The following KMO variants were observed in gnomAD, a reference collection of about 807,000 sequenced individuals.
The protein encoded by KMO is kynurenine 3-monooxygenase, also known as kynurenine 3-hydroxylase.
KMO carries 24 observed loss-of-function variants against 57.8 expected under a neutral mutation model. That is an observed-to-expected ratio of 0.42 (90% CI 0.30 to 0.58). KMO has a LOEUF of 0.58. KMO is among the 20% of genes least tolerant of loss of function. The pLI, the probability that KMO is intolerant of heterozygous loss-of-function variation, is 0.22. For synonymous variants in KMO, 210 were observed against 193.6 expected (o/e 1.08, Z -0.70); for missense variants, 483 against 588.2 (o/e 0.82, Z 1.85).
At chr1:241,535,037 C>T (rs559186679) in intron 1 of KMO, among the ~76,000 whole-genome samples, 32 of 151,746 alleles carry the variant, frequency 2.1e-4, no homozygotes, top group Admixed American at 2.0e-3. Context: ...CCAATGTATT[C>T]CAGAGGCTGT....
chr1:241,562,915 GAAA>G (rs1558421414), intron 7 of KMO, among the ~76,000 whole-genome samples: 21 of 28,228 alleles, frequency 7.4e-4, no homozygotes, highest in South Asian at 3.7e-3. Flanking sequence ...AGGAAGGAAG[GAAA>G]GAAGGAAGGA....
At chr1:241,553,490 C>T (rs867428225) in intron 4 of KMO, among the ~76,000 whole-genome samples, 4 of 152,152 alleles carry the variant, frequency 2.6e-5, no homozygotes, top group African/African-American at 7.2e-5. Flanking sequence ...AGTTCAAAAC[C>T]AGCCTGGGCA....
chr1:241,580,416 C>G (rs1662706717), intron 10 of KMO, among the ~76,000 whole-genome samples: 1 of 152,024 alleles, frequency 6.6e-6, no homozygotes. Context: ...TTTTATAGCT[C>G]TTTAGGATAC....
chr1:241,593,579 G>C lies in KMO; in HGVS notation c.*1426G>C. The C allele has an allele frequency of 4.3e-6, 1 of 233,586 alleles. No individual in the cohort carries two copies. The highest frequency in any genetic ancestry group is 5.3e-5 in the South Asian group (1 of 18,876). 14.5% of individuals were successfully genotyped at this position (233,586 alleles called of 1,614,324 possible). A position where few individuals can be genotyped will look rare whatever the true frequency, so the allele number is the denominator to read the frequency against. On this transcript the variant is annotated 3_prime_UTR_variant, in exon 15 of 15. Transcript: ENST00000366559. ...CTACCCACTTTAGGTTCCTTGGCTG[G>C]GGCCCCTATAACAAAAGACAGATTG...
intron 1 of KMO, among the ~76,000 whole-genome samples, chr1:241,545,229 G>C (rs1469375791): frequency 1.3e-5 from 2 of 152,192 alleles, no homozygotes; most frequent in Non-Finnish European, 2.9e-5. Context: ...AAAACCTGTT[G>C]ATAGCTTAGA....
Position 241,583,216 on chromosome 1 carries a change from A to G in KMO, c.958-3463A>G, listed in dbSNP as rs574335113. ...TGACACAAGCACTCCTGTGGCCACC[A>G]CAGCTGGCACTGTGCTGGGTCATAC... On this transcript the variant is annotated intron_variant, in intron 10 of 14. Coordinates refer to ENST00000366559, the MANE Select transcript of KMO (RefSeq NM_003679.5). Among the ~76,000 whole-genome samples, 40 of 152,232 alleles carry G rather than the reference A, an allele frequency of 2.6e-4. No homozygotes were observed. The South Asian group carries it at 7.7e-3, about 29-fold the overall frequency.
chr1:241,580,760 G>T (rs1250601364), intron 10 of KMO, among the ~76,000 whole-genome samples: 1 of 151,804 alleles, frequency 6.6e-6, no homozygotes, highest in East Asian at 1.9e-4. Flanking sequence ...TTTTTTTTGT[G>T]ACCTAACATA....
intron 4 of KMO, among the ~76,000 whole-genome samples, chr1:241,554,892 G>T (rs540025047): frequency 1.4e-3 from 216 of 151,650 alleles, no homozygotes; most frequent in Middle Eastern, 3.4e-3. Flanking sequence ...TGAGGCAGGA[G>T]AATCACTTGA....
Position 241,590,028 on chromosome 1 carries a change from A to C in KMO, c.1115A>C (p.Asn372Thr). Residue 372 changes from asparagine to threonine, a missense_variant, in exon 13 of 15, where the codon AAC (asparagine) becomes ACC (threonine). Asn to Thr is a moderately conservative substitution (Grantham distance 65). Transcript: ENST00000366559. ...TTATTGCAGATGCGAGCACATGTCA[A>C]CTCAAGCTGGTTCATTTTTCAGAAG... is the stretch of plus-strand genomic sequence containing the variant. ...YNYIEMRAHV[N>T]SSWFIFQKNM... 1 of 1,613,756 alleles carries C rather than the reference A, an allele frequency of 6.2e-7. No individual in the cohort carries two copies.
At chr1:241,560,783 G>A (rs771127870) in intron 6 of KMO, 31 bp downstream of exon 6, 6 of 1,433,912 alleles carry the variant, frequency 4.2e-6, no homozygotes, top group Non-Finnish European at 9.8e-7. Context: ...GGACTTCAGA[G>A]GTGAAAGCTG....
At chr1:241,545,985 T>C (rs1189303733) in intron 1 of KMO, among the ~76,000 whole-genome samples, 1 of 152,122 alleles carries the variant, frequency 6.6e-6, no homozygotes, top group Non-Finnish European at 1.5e-5. Context: ...TATTTTAAAA[T>C]GTGGGGAAAA....
chr1:241,582,878 T>G (rs1234110947), intron 10 of KMO, among the ~76,000 whole-genome samples: 1 of 152,186 alleles, frequency 6.6e-6, no homozygotes, highest in Non-Finnish European at 1.5e-5. Flanking sequence ...TTGTCTATTT[T>G]GTCTTCACAT....
At position 241,594,374 on chromosome 1, in the gene KMO, G is replaced by A. The variant is rs1663430484; in HGVS notation, c.*2221G>A. Reference sequence around the variant, plus strand: ...ATTCCAGACACTTCTTATGATGAAAGTCCAAAAGTGGCATCCAATTTAAGG... The same window carrying A: ...ATTCCAGACACTTCTTATGATGAAAATCCAAAAGTGGCATCCAATTTAAGG... On this transcript the variant is annotated 3_prime_UTR_variant, in exon 15 of 15. Coordinates refer to ENST00000366559, the MANE Select transcript of KMO (RefSeq NM_003679.5). The A allele has an allele frequency of 6.4e-6, 10 of 1,567,462 alleles. No homozygotes were observed. The highest frequency in any genetic ancestry group is 1.4e-5 in the African/African-American group (1 of 74,050).
chr1:241,572,334 T>C, intron 10 of KMO, among the ~76,000 whole-genome samples: 1 of 152,102 alleles, frequency 6.6e-6, no homozygotes, highest in East Asian at 1.9e-4. Flanking sequence ...TAGGACTTTA[T>C]TCATTTCTTC....
intron 10 of KMO, among the ~76,000 whole-genome samples, chr1:241,584,540 G>T (rs1406175705): frequency 6.6e-6 from 1 of 152,112 alleles, no homozygotes; most frequent in Admixed American, 6.5e-5. Context: ...ATTAGATGTT[G>T]AACACTACTG....
intron 1 of KMO, among the ~76,000 whole-genome samples, chr1:241,538,354 T>C (rs1032442798): frequency 3.3e-5 from 5 of 152,140 alleles, no homozygotes; most frequent in African/African-American, 9.7e-5. Context: ...ATGGGCAAGG[T>C]AGAAAGAGGG....
At chr1:241,561,211 C>A (rs1260769953) in intron 6 of KMO, among the ~76,000 whole-genome samples, 2 of 152,176 alleles carry the variant, frequency 1.3e-5, no homozygotes, top group African/African-American at 4.8e-5. Flanking sequence ...CATTTCCAGT[C>A]CAAGCCTCTT....
chr1:241,574,475 A>G (rs1662428404), intron 10 of KMO, among the ~76,000 whole-genome samples: 1 of 151,784 alleles, frequency 6.6e-6, no homozygotes, highest in South Asian at 2.1e-4. Flanking sequence ...TTTTCATCAT[A>G]AAGTGATTCT....
rs1168188207 is a variant in KMO at position 241,562,243 on chromosome 1, C to T, written c.526C>T (p.His176Tyr). Residue 176 changes from histidine to tyrosine, a missense_variant, in exon 7 of 15, where the codon CAC (histidine) becomes TAC (tyrosine). Around this residue, in one of 3 missense-constraint regions of KMO, gnomAD observed 410 missense variants for 492.3 expected, o/e 0.83. Coordinates refer to ENST00000366559, the MANE Select transcript of KMO (RefSeq NM_003679.5). Reference protein sequence around the residue: ...CDGAYSTVRSHLMKKPRFDYS... With the variant: ...CDGAYSTVRSYLMKKPRFDYS... ...TGGAGCCTATTCAACTGTCAGATCT[C>T]ACCTGATGAAGAAACCTCGCTTTGA... The T allele has an allele frequency of 2.5e-6, 4 of 1,614,144 alleles. No homozygotes were observed. In the East Asian group the frequency reaches 8.9e-5, roughly 36 times the overall value.
Sources: allele counts gnomAD v4.1 joint callset (sites outside exome capture counted in the v4.1 genomes callset), GRCh38; gene constraint gnomAD v4.1.1; regional missense constraint gnomAD v4.1.1; transcripts MANE v1.5; gene names NCBI Gene and HGNC (gene_info 2026-07-23, HGNC 2026-07-21).